The following RLF variants were observed in gnomAD, a reference collection of about 807,000 sequenced individuals.
The protein encoded by RLF is RLF zinc finger.
A neutral mutation model predicts 162.9 loss-of-function variants in RLF; 7 were observed. The observed-to-expected ratio is 0.04, with a 90% CI of 0.02 to 0.08. RLF has a LOEUF of 0.08. RLF is among the 10% of genes least tolerant of loss of function. The pLI is 1.00. For synonymous variants in RLF, 782 were observed against 791.5 expected (o/e 0.99, Z 0.20); for missense variants, 1,664 against 2,244.7 (o/e 0.74, Z 5.23).
intron 5 of RLF, among the ~76,000 whole-genome samples, chr1:40,217,477 T>TA (rs139236113): frequency 0.031 from 4,696 of 150,412 alleles, 109 homozygotes; most frequent in Non-Finnish European, 0.048. Context: ...TCTCTTATAG[T>TA]AAAAAACAAA....
chr1:40,180,121 C>A (rs1208635952), intron 1 of RLF, among the ~76,000 whole-genome samples: 1 of 152,172 alleles, frequency 6.6e-6, no homozygotes, highest in Admixed American at 6.5e-5. Flanking sequence ...ATTGTTGGAT[C>A]ATATGGTATT....
chr1:40,167,012 AAAAG>A (rs1242179481), intron 1 of RLF, among the ~76,000 whole-genome samples: 2 of 152,204 alleles, frequency 1.3e-5, no homozygotes, highest in Non-Finnish European at 2.9e-5. Context: ...ATTTTAAAAA[AAAAG>A]AAATTACTAT....
intron 4 of RLF, among the ~76,000 whole-genome samples, chr1:40,198,172 T>G (rs1642663221): frequency 6.7e-6 from 1 of 150,232 alleles, no homozygotes; most frequent in African/African-American, 2.5e-5. Context: ...CCCGGCTAAT[T>G]TTGTATTTTT....
At chr1:40,169,136 C>G (rs1175454236) in intron 1 of RLF, among the ~76,000 whole-genome samples, 1 of 152,100 alleles carries the variant, frequency 6.6e-6, no homozygotes, top group Non-Finnish European at 1.5e-5. Context: ...GTGCCAAGCC[C>G]TCAGGTGGGT....
chr1:40,177,208 A>C (rs2124528365), intron 1 of RLF, among the ~76,000 whole-genome samples: 1 of 151,564 alleles, frequency 6.6e-6, no homozygotes, highest in East Asian at 1.9e-4. Context: ...CTGGTCTTGA[A>C]CTTCCGACCT....
At chr1:40,171,098 C>T (rs1642238147) in intron 1 of RLF, among the ~76,000 whole-genome samples, 1 of 152,186 alleles carries the variant, frequency 6.6e-6, no homozygotes, top group Admixed American at 6.5e-5. Context: ...ACAATCTTAG[C>T]TTACAGTAAC....
intron 5 of RLF, among the ~76,000 whole-genome samples, chr1:40,221,140 A>G (rs1185640150): frequency 6.6e-6 from 1 of 152,122 alleles, no homozygotes; most frequent in Non-Finnish European, 1.5e-5. Flanking sequence ...TCTTAAAAAA[A>G]CTAAAAATAA....
chr1:40,209,435 C>T (rs1005140019), intron 5 of RLF, among the ~76,000 whole-genome samples: 2 of 152,140 alleles, frequency 1.3e-5, no homozygotes, highest in Non-Finnish European at 2.9e-5. Context: ...AACATAGACC[C>T]TAGTATAAGA....
chr1:40,207,182 C>T (rs912487300), intron 5 of RLF, among the ~76,000 whole-genome samples: 11 of 152,268 alleles, frequency 7.2e-5, no homozygotes, highest in African/African-American at 2.4e-4. Flanking sequence ...TAGAAGAATG[C>T]TTAGCCATGT....
At position 40,237,366 on chromosome 1, in the gene RLF, G is replaced by T; in HGVS notation, c.2664G>T (p.Leu888=). 1 of 1,613,756 alleles carries T rather than the reference G, an allele frequency of 6.2e-7. No homozygotes were observed. The highest frequency in any genetic ancestry group is 1.7e-4 in the Middle Eastern group (1 of 6,060). Residue 888 remains leucine (L), a synonymous_variant, in exon 8 of 8, where the codon CTG becomes CTT. Coordinates refer to ENST00000372771, the MANE Select transcript of RLF (RefSeq NM_012421.4). The surrounding 1 kb of genome is among the most constrained non-coding windows in gnomAD (Gnocchi z 4.4). ...TAGATACAGAAACTGCAGAAAACCT[G>T]AAAGAAAACAGTGACAGTAATTCTA... ...SQIDTETAEN[L]KENSDSNSSD... is the part of the protein sequence containing the mutation.
rs1002761504 is a variant in RLF, at chr1:40,239,797, A to T, written c.5095A>T (p.Asn1699Tyr). The change falls in exon 8 of 8, where the codon AAT (asparagine) becomes TAT (tyrosine). Residue 1699 changes from asparagine (N) to tyrosine (Y), a missense_variant. Transcript: ENST00000372771. ...VQPPPPCKIE[N>Y]SIPNPNGTES... ...GCCTCCTCCTCCTTGTAAAATAGAA[A>T]ATTCCATACCTAATCCCAATGGGAC... 1 of 1,614,024 alleles carries T rather than the reference A, an allele frequency of 6.2e-7. No individual in the cohort carries two copies. The highest frequency in any genetic ancestry group is 1.3e-5 in the African/African-American group (1 of 74,904).
At chr1:40,191,210 A>C (rs1642552545) in intron 3 of RLF, among the ~76,000 whole-genome samples, 1 of 152,198 alleles carries the variant, frequency 6.6e-6, no homozygotes, top group African/African-American at 2.4e-5. Context: ...ATTTCATTAC[A>C]TCTAAGGTTC....
chr1:40,199,237 A>G (rs1449881014), intron 4 of RLF, among the ~76,000 whole-genome samples: 1 of 152,220 alleles, frequency 6.6e-6, no homozygotes, highest in Non-Finnish European at 1.5e-5. Context: ...TGGTTTAATT[A>G]AACATCCGTA....
intron 1 of RLF, among the ~76,000 whole-genome samples, chr1:40,170,940 GTTA>G (rs1395584663): frequency 2.0e-5 from 3 of 152,100 alleles, no homozygotes; most frequent in Non-Finnish European, 2.9e-5. Flanking sequence ...GAGTGCTATT[GTTA>G]TTATTATTAG....
In RLF at chr1:40,240,238, T is replaced by G. The variant is rs1410848229; in HGVS notation, c.5536T>G (p.Leu1846Val). ...IHENLTAIPP[L>V]IVAETTTVPS... ...TGAGAACCTGACTGCAATCCCACCT[T>G]TAATAGTAGCTGAAACAACAACAGT... The change falls in exon 8 of 8, where the codon TTA becomes GTA. Residue 1846 changes from leucine (L) to valine (V), a missense_variant. By Grantham distance (32) the Leu-to-Val change is conservative. Coordinates refer to ENST00000372771, the MANE Select transcript of RLF (RefSeq NM_012421.4). 6.2e-7 allele frequency: 1 copy of G among 1,614,160 alleles called. No homozygotes were observed. Among genetic ancestry groups the G allele is most frequent in the South Asian group, 1.1e-5 (1 of 91,076 alleles).
In RLF at chr1:40,240,539, G is replaced by A. The variant is rs1203758205; in HGVS notation, c.*92G>A. 16 of 856,756 alleles carry A rather than the reference G, an allele frequency of 1.9e-5. No homozygotes were observed. The highest frequency in any genetic ancestry group is 2.3e-4 in the Middle Eastern group (1 of 4,420). 53.1% of individuals were successfully genotyped at this position (856,756 alleles called of 1,614,324 possible). The stretch of plus-strand genomic sequence containing the variant: ...ACAAAGGCTGAGAAGCAGCCACACC[G>A]TTGTTTAGGGTAGAATAGGCTGTGT... On this transcript the variant is annotated 3_prime_UTR_variant, in exon 8 of 8. Coordinates refer to ENST00000372771, the MANE Select transcript of RLF (RefSeq NM_012421.4).
chr1:40,220,056 C>A lies in RLF; in HGVS notation c.811-2518C>A, dbSNP rs563198300. Among the ~76,000 whole-genome samples, 191 of 152,106 alleles carry A rather than the reference C, an allele frequency of 1.3e-3. 1 individual carries two copies. Among genetic ancestry groups the A allele is most frequent in the African/African-American group, 4.5e-3 (188 of 41,506 alleles). On this transcript the variant is annotated intron_variant, in intron 5 of 7. Transcript: ENST00000372771. ...GGTCAGGAGATTGAGACCATCCTGG[C>A]TAACATGGTGAAACTAAAAATATAA... is the stretch of plus-strand genomic sequence containing the variant.
intron 4 of RLF, among the ~76,000 whole-genome samples, chr1:40,198,300 TC>T (rs1221513491): frequency 4.7e-5 from 4 of 85,322 alleles, no homozygotes; most frequent in Non-Finnish European, 4.8e-5. Context: ...GCGCCCGGCC[TC>T]TTTTTTTTTT....
intron 5 of RLF, among the ~76,000 whole-genome samples, chr1:40,218,946 A>G (rs945344819): frequency 6.6e-6 from 1 of 152,178 alleles, no homozygotes; most frequent in African/African-American, 2.4e-5. Context: ...TGTAAGCCCC[A>G]GGACTAGAAA....
Sources: gnomAD v4.1 joint callset for allele counts (sites outside exome capture counted in the v4.1 genomes callset) on GRCh38, gnomAD v4.1.1 for gene constraint, Gnocchi (gnomAD v3.1) non-coding constraint, MANE v1.5 for transcripts, NCBI Gene and HGNC (gene_info 2026-07-23, HGNC 2026-07-21) for gene names.